PCDH15: variants seen among roughly 807,000 people sequenced by gnomAD.
PCDH15 encodes protocadherin-15.
In PCDH15, 129 loss-of-function variants were observed where a neutral mutation model predicts 178.5. That is an observed-to-expected ratio of 0.72 (90% CI 0.63 to 0.84). PCDH15 has a LOEUF of 0.84. Among genes scored for constraint, PCDH15 ranks in the 40% least tolerant of loss-of-function variants. The probability of loss-of-function intolerance (pLI) is 0.00; values close to 1 mark genes in which losing one functional copy is unlikely to be tolerated. For synonymous variants in PCDH15, 800 were observed against 732.0 expected (o/e 1.09, Z -1.50); for missense variants, 2,230 against 2,099.9 (o/e 1.06, Z -1.21).
chr10:54,988,359 G>A (rs1009076415), intron 2 of PCDH15, among the ~76,000 whole-genome samples: 1 of 152,138 alleles, frequency 6.6e-6, no homozygotes, highest in Non-Finnish European at 1.5e-5. Context: ...ATATGGAAGT[G>A]ACTTTGGAAC....
intron 1 of PCDH15, among the ~76,000 whole-genome samples, chr10:54,758,217 TATA>T (rs1354385688): frequency 1.3e-5 from 2 of 152,208 alleles, no homozygotes; most frequent in African/African-American, 4.8e-5. Context: ...TGGTTCGACT[TATA>T]ATTTTTTATT....
intron 2 of PCDH15, among the ~76,000 whole-genome samples, chr10:55,025,451 G>A (rs1840452932): frequency 6.6e-6 from 1 of 152,102 alleles, no homozygotes; most frequent in African/African-American, 2.4e-5. Flanking sequence ...TCATTTTAAA[G>A]TCCACCTCAT....
intron 2 of PCDH15, among the ~76,000 whole-genome samples, chr10:54,987,774 G>A (rs1423966233): frequency 6.6e-6 from 1 of 150,804 alleles, no homozygotes; most frequent in Non-Finnish European, 1.5e-5. Context: ...TTTTTCACCT[G>A]GGTAGATTGC....
Position 54,217,421 on chromosome 10 carries a change from T to C in PCDH15, c.986-3373A>G, listed in dbSNP as rs531150248. 1.8e-3 allele frequency among the ~76,000 whole-genome samples: 279 copies of C among 152,270 alleles called. 1 individual carries two copies. Among genetic ancestry groups the C allele is most frequent in the Non-Finnish European group, 3.0e-3 (207 of 68,000 alleles). ...ATCTACAGTAATCATATTGGTGGTA[T>C]GTTGTGATTCCAAGATAGTTATAGG... On this transcript the variant is annotated intron_variant, in intron 9 of 37. Transcript: ENST00000644397.
At chr10:55,612,839 G>T (rs1589186096) in intron 2 of PCDH15, among the ~76,000 whole-genome samples, 2 of 152,088 alleles carry the variant, frequency 1.3e-5, no homozygotes, top group East Asian at 3.9e-4. Context: ...TGCCTTTAAT[G>T]TATCTGCATG....
chr10:54,758,653 A>T (rs751566438), intron 1 of PCDH15, among the ~76,000 whole-genome samples: 4 of 152,168 alleles, frequency 2.6e-5, no homozygotes, highest in Non-Finnish European at 5.9e-5. Flanking sequence ...AACCAGATCA[A>T]TGAGAGTACT....
At chr10:54,203,251 C>T (rs773660586) in intron 10 of PCDH15, among the ~76,000 whole-genome samples, 7 of 152,136 alleles carry the variant, frequency 4.6e-5, no homozygotes, top group Admixed American at 1.3e-4. Context: ...AAAGATTGCT[C>T]GTGTGTCAGT....
intron 13 of PCDH15, among the ~76,000 whole-genome samples, chr10:54,179,385 C>T (rs2047753598): frequency 7.7e-6 from 1 of 130,274 alleles, no homozygotes; most frequent in African/African-American, 3.0e-5. Context: ...CACATGGACA[C>T]AGGAAGGGGA....
intron 25 of PCDH15, among the ~76,000 whole-genome samples, chr10:53,913,810 A>C (rs929002063): frequency 2.6e-5 from 4 of 152,152 alleles, no homozygotes; most frequent in African/African-American, 7.2e-5. Context: ...ATAAGCTACC[A>C]TCAGAGTGAA....
At chr10:54,263,825 C>T (rs1489873798) in intron 8 of PCDH15, among the ~76,000 whole-genome samples, 1 of 151,870 alleles carries the variant, frequency 6.6e-6, no homozygotes, top group Non-Finnish European at 1.5e-5. Flanking sequence ...GAGAGTGTTG[C>T]CAAAGGAGAT....
intron 3 of PCDH15, among the ~76,000 whole-genome samples, chr10:54,411,708 A>T (rs890643067): frequency 6.6e-6 from 1 of 152,172 alleles, no homozygotes; most frequent in East Asian, 1.9e-4. Flanking sequence ...TACTTTTGAT[A>T]TAAGACTAGA....
At chr10:55,256,242 CAA>C (rs1388192558) in intron 1 of PCDH15, among the ~76,000 whole-genome samples, 1 of 152,102 alleles carries the variant, frequency 6.6e-6, no homozygotes, top group African/African-American at 2.4e-5. Context: ...TCAGGTTTGT[CAA>C]AGAGACAAGA....
At chr10:55,113,436 A>G (rs1025803110) in intron 2 of PCDH15, among the ~76,000 whole-genome samples, 13 of 151,964 alleles carry the variant, frequency 8.6e-5, no homozygotes, top group African/African-American at 2.9e-4. Flanking sequence ...AGGAAGAATT[A>G]TATTCTCCTT....
chr10:54,584,119 GC>G (rs1264822209), intron 2 of PCDH15, among the ~76,000 whole-genome samples: 3 of 150,748 alleles, frequency 2.0e-5, no homozygotes, highest in African/African-American at 7.3e-5. Flanking sequence ...AAGTGTAGAT[GC>G]TCAAGCTTGT....
At chr10:54,803,439 G>A (rs1952724473), upstream of PCDH15, among the ~76,000 whole-genome samples, 1 of 152,126 alleles carries the variant, frequency 6.6e-6, no homozygotes, top group South Asian at 2.1e-4. Flanking sequence ...AGGTGGCTGG[G>A]GAGGAGTGGG....
intron 2 of PCDH15, among the ~76,000 whole-genome samples, chr10:55,537,419 G>A (rs936114074): frequency 7.2e-6 from 1 of 139,544 alleles, no homozygotes; most frequent in Non-Finnish European, 1.7e-5. Flanking sequence ...ATTTATGTAT[G>A]TATGTATGTA....
intron 1 of PCDH15, among the ~76,000 whole-genome samples, chr10:54,756,758 C>T (rs996737165): frequency 1.3e-5 from 2 of 151,886 alleles, no homozygotes; most frequent in African/African-American, 4.8e-5. Flanking sequence ...ATGGATACTT[C>T]CTTTATAAAT....
chr10:54,081,701 G>C (rs2094439259), intron 16 of PCDH15, among the ~76,000 whole-genome samples: 1 of 151,916 alleles, frequency 6.6e-6, no homozygotes, highest in South Asian at 2.1e-4. Context: ...GGATACATTG[G>C]GGTACACTTA....
intron 7 of PCDH15, among the ~76,000 whole-genome samples, chr10:54,319,259 C>G (rs1378121243): frequency 6.6e-6 from 1 of 152,036 alleles, no homozygotes; most frequent in Non-Finnish European, 1.5e-5. Context: ...TCACAACAGA[C>G]AAAACTTGGC....
Sources: allele counts gnomAD v4.1 joint callset (sites outside exome capture counted in the v4.1 genomes callset), GRCh38; gene constraint gnomAD v4.1.1; transcripts MANE v1.5; gene names NCBI Gene and HGNC (gene_info 2026-07-23, HGNC 2026-07-21).